The following CYRIA variants were observed in gnomAD, a reference collection of about 807,000 sequenced individuals.
CYRIA encodes CYFIP-related Rac1 interactor A.
A neutral mutation model predicts 43.9 loss-of-function variants in CYRIA; 15 were observed. The observed-to-expected ratio is 0.34, with a 90% confidence interval of 0.23 to 0.53. The LOEUF is 0.53. Among genes scored for constraint, CYRIA ranks in the 20% least tolerant of loss-of-function variants. The pLI is 0.94. For missense variants in CYRIA, 236 were observed against 394.2 expected (o/e 0.60, Z 3.40); for synonymous variants, 117 against 136.0 (o/e 0.86, Z 0.97).
chr2:16,583,948 A>C (rs1667639514), intron 3 of CYRIA, among the ~76,000 whole-genome samples: 1 of 152,168 alleles, frequency 6.6e-6, no homozygotes, highest in South Asian at 2.1e-4. Context: ...TATTGTTTTG[A>C]CCCAGCTTAA....
intron 2 of CYRIA, among the ~76,000 whole-genome samples, chr2:16,616,578 C>T (rs1471763913): frequency 6.6e-6 from 1 of 152,164 alleles, no homozygotes; most frequent in African/African-American, 2.4e-5. Context: ...GGATGTCTGC[C>T]GGGTGTTCAT....
chr2:16,631,009 C>T (rs1004111613), intron 1 of CYRIA, among the ~76,000 whole-genome samples: 7 of 152,198 alleles, frequency 4.6e-5, no homozygotes, highest in Non-Finnish European at 1.0e-4. Context: ...AGGAGGTTGC[C>T]TTGACTTGGT....
intron 2 of CYRIA, among the ~76,000 whole-genome samples, chr2:16,616,057 C>T (rs901392489): frequency 1.4e-4 from 22 of 152,174 alleles, no homozygotes; most frequent in Non-Finnish European, 3.1e-4. Flanking sequence ...CGGGGGAGAA[C>T]AAGCCAGTCT....
chr2:16,574,466 A>T (rs184742790), intron 3 of CYRIA, among the ~76,000 whole-genome samples: 6 of 152,252 alleles, frequency 3.9e-5, no homozygotes, highest in Non-Finnish European at 7.3e-5. Flanking sequence ...TTGCCAAGAC[A>T]ACAATGGGGA....
At chr2:16,590,469 G>A (rs1284237040) in intron 2 of CYRIA, among the ~76,000 whole-genome samples, 1 of 152,164 alleles carries the variant, frequency 6.6e-6, no homozygotes, top group Non-Finnish European at 1.5e-5. Flanking sequence ...TTTGTGCTAT[G>A]AATGTATCAT....
chr2:16,554,921 G>T (rs914420106), intron 11 of CYRIA, 148 bp downstream of exon 11: 7 of 542,938 alleles, frequency 1.3e-5, no homozygotes, highest in Non-Finnish European at 1.9e-5. Context: ...TGATAAAAAT[G>T]GTGCTGACCT....
At position 16,635,905 on chromosome 2, in the gene CYRIA, C is replaced by T. The variant is rs377646208; in HGVS notation, c.-166-11886G>A. Among the ~76,000 whole-genome samples the T allele has an allele frequency of 9.2e-5, 14 of 152,254 alleles. No individual in the cohort carries two copies. The East Asian group carries it at 2.5e-3, about 27-fold the overall frequency. ...AAAGACAATCCTTTTCTTCTCTGTA[C>T]CACTTGGGATTGAAAATGCATTTAG... On this transcript the variant is annotated intron_variant, in intron 1 of 11. Transcript: ENST00000381323.
chr2:16,619,965 C>G (rs756964646), intron 2 of CYRIA, among the ~76,000 whole-genome samples: 63 of 152,306 alleles, frequency 4.1e-4, no homozygotes, highest in Non-Finnish European at 7.5e-4. Flanking sequence ...GCAGAGAACA[C>G]ATTTCATCCT....
At position 16,646,523 on chromosome 2, in the gene CYRIA, C is replaced by T. The variant is rs371288833; in HGVS notation, c.-167+19257G>A. On this transcript the variant is annotated intron_variant, in intron 1 of 11. Transcript: ENST00000381323. ...GGGCAGGCAAGCTCAGGCCTCCCTG[C>T]AAGACCAGAGAAGCCACGTGCAGTG... Among the ~76,000 whole-genome samples, 4 of 152,294 alleles carry T rather than the reference C, an allele frequency of 2.6e-5. No homozygotes were observed. The East Asian group carries it at 7.7e-4, about 29-fold the overall frequency.
chr2:16,623,413 C>T (rs79529933), intron 2 of CYRIA, among the ~76,000 whole-genome samples: 1,919 of 152,254 alleles, frequency 0.013, 43 homozygotes, highest in African/African-American at 0.042. Context: ...CTGCTGTAAG[C>T]GCCCTTGGAT....
chr2:16,567,298 G>C (rs1666969175), intron 3 of CYRIA, among the ~76,000 whole-genome samples: 2 of 152,086 alleles, frequency 1.3e-5, no homozygotes, highest in Non-Finnish European at 2.9e-5. Context: ...CAGCTACTTG[G>C]GAGGCTGAGG....
chr2:16,630,038 G>A (rs186210576), intron 1 of CYRIA, among the ~76,000 whole-genome samples: 156 of 152,262 alleles, frequency 1.0e-3, no homozygotes, highest in African/African-American at 3.5e-3. Flanking sequence ...CCAACACGCC[G>A]GTGATGATGG....
chr2:16,586,909 G>T (rs1667747192), intron 3 of CYRIA, among the ~76,000 whole-genome samples: 1 of 152,064 alleles, frequency 6.6e-6, no homozygotes, highest in South Asian at 2.1e-4. Flanking sequence ...TTGAAAAGGG[G>T]TGAACATGAG....
chr2:16,568,489 C>T (rs532637121), intron 3 of CYRIA, among the ~76,000 whole-genome samples: 2 of 152,100 alleles, frequency 1.3e-5, no homozygotes, highest in African/African-American at 4.8e-5. Context: ...CTAGGAGGCC[C>T]GTAACTGGAG....
chr2:16,615,759 C>T (rs1279981165), intron 2 of CYRIA, among the ~76,000 whole-genome samples: 1 of 152,230 alleles, frequency 6.6e-6, no homozygotes, highest in Non-Finnish European at 1.5e-5. Flanking sequence ...GAACAGTCAA[C>T]CTACCTATTG....
chr2:16,638,627 TGCACC>T (rs1669575316), intron 1 of CYRIA, among the ~76,000 whole-genome samples: 1 of 152,106 alleles, frequency 6.6e-6, no homozygotes, highest in South Asian at 2.1e-4. Flanking sequence ...GAGGGAGGCT[TGCACC>T]GCACATGAGG....
intron 1 of CYRIA, among the ~76,000 whole-genome samples, chr2:16,641,121 C>T (rs1019780524): frequency 6.6e-6 from 1 of 152,182 alleles, no homozygotes; most frequent in African/African-American, 2.4e-5. Flanking sequence ...TATCTTTCTC[C>T]TGGACAGTTC....
At chr2:16,616,918 T>C (rs1330654801) in intron 2 of CYRIA, among the ~76,000 whole-genome samples, 1 of 152,200 alleles carries the variant, frequency 6.6e-6, no homozygotes, top group Non-Finnish European at 1.5e-5. Context: ...AGCATCTGGC[T>C]CCAGAGCCTG....
At chr2:16,559,695 C>T in intron 9 of CYRIA, 109 bp from the exon 10 acceptor site, 1 of 1,248,952 alleles carries the variant, frequency 8.0e-7, no homozygotes, top group Non-Finnish European at 1.1e-6. Flanking sequence ...TGGGAACAAT[C>T]CCAGACCTGC....
Sources: gnomAD v4.1 joint callset for allele counts (sites outside exome capture counted in the v4.1 genomes callset) on GRCh38, gnomAD v4.1.1 for gene constraint, MANE v1.5 for transcripts, NCBI Gene and HGNC (gene_info 2026-07-23, HGNC 2026-07-21) for gene names.